Variants in SPATA13 observed in about 807,000 individuals in gnomAD.
SPATA13 encodes the protein spermatogenesis-associated protein 13.
In SPATA13, 50 loss-of-function variants were observed where a neutral mutation model predicts 104.0. The observed-to-expected ratio is 0.48, with a 90% confidence interval of 0.38 to 0.61. SPATA13 has a LOEUF of 0.61. Among genes scored for constraint, SPATA13 ranks in the 20% least tolerant of loss-of-function variants. SPATA13 has a pLI of 0.00. For missense variants in SPATA13, 1,524 were observed against 1,690.6 expected, an observed-to-expected ratio of 0.90 and a Z score of 1.73; for synonymous variants, 606 against 667.5, an observed-to-expected ratio of 0.91 and a Z score of 1.42.
chr13:24,002,790 C>T (rs1876040456), intron 2 of SPATA13, among the ~76,000 whole-genome samples: 1 of 152,158 alleles, frequency 6.6e-6, no homozygotes, highest in Admixed American at 6.5e-5. Context: ...CTCTGCAGTC[C>T]TTACTTGGCA....
At chr13:24,191,265 C>T (rs1869723085) in intron 1 of SPATA13, among the ~76,000 whole-genome samples, 1 of 152,048 alleles carries the variant, frequency 6.6e-6, no homozygotes, top group African/African-American at 2.4e-5. Flanking sequence ...CATGAGCCAT[C>T]TTGCCCAGCC....
chr13:24,181,688 C>T (rs969312412), intron 1 of SPATA13, among the ~76,000 whole-genome samples: 6 of 152,098 alleles, frequency 3.9e-5, no homozygotes, highest in South Asian at 4.2e-4. Context: ...ATAGAGCTGT[C>T]ATCTGCTATA....
intron 3 of SPATA13, among the ~76,000 whole-genome samples, chr13:24,042,586 C>T (rs1428550075): frequency 1.3e-5 from 2 of 152,250 alleles, no homozygotes; most frequent in Non-Finnish European, 2.9e-5. Context: ...TGCGCGAACT[C>T]ACTTCTCAGA....
intron 4 of SPATA13, among the ~76,000 whole-genome samples, chr13:24,276,530 A>G (rs1874992672): frequency 6.6e-6 from 1 of 152,196 alleles, no homozygotes; most frequent in Non-Finnish European, 1.5e-5. Flanking sequence ...GGTGTTTAAT[A>G]TGTGTGGCCG....
At chr13:24,127,686 A>G (rs928619965) in intron 3 of SPATA13, among the ~76,000 whole-genome samples, 8 of 152,230 alleles carry the variant, frequency 5.3e-5, no homozygotes, top group African/African-American at 1.9e-4. Context: ...GTAAATCTCC[A>G]TACAGATAAT....
At chr13:24,201,838 CCCTGTGCTTCA>C (rs1263773626) in intron 1 of SPATA13, among the ~76,000 whole-genome samples, 1 of 152,086 alleles carries the variant, frequency 6.6e-6, no homozygotes, top group Non-Finnish European at 1.5e-5. Context: ...TGTTAAAATC[CCCTGTGCTTCA>C]CCTGTTCACT....
At chr13:24,096,313 G>A (rs988034446) in intron 3 of SPATA13, among the ~76,000 whole-genome samples, 6 of 152,290 alleles carry the variant, frequency 3.9e-5, no homozygotes, top group Middle Eastern at 3.4e-3. Context: ...ATAACAAGGA[G>A]GCCTGGGTGC....
At chr13:24,138,026 C>G (rs369840337) in intron 3 of SPATA13, among the ~76,000 whole-genome samples, 1 of 151,910 alleles carries the variant, frequency 6.6e-6, no homozygotes, top group South Asian at 2.1e-4. Context: ...CTGGGCCAGG[C>G]GTAGTGGCTC....
chr13:24,044,401 T>C (rs923187769), intron 3 of SPATA13, among the ~76,000 whole-genome samples: 13 of 148,476 alleles, frequency 8.8e-5, no homozygotes, highest in South Asian at 2.3e-4. Context: ...CCCAGCTAAT[T>C]TTTGTATTTT....
chr13:24,192,477 C>T (rs979943219), intron 1 of SPATA13, among the ~76,000 whole-genome samples: 1 of 152,088 alleles, frequency 6.6e-6, no homozygotes, highest in Non-Finnish European at 1.5e-5. Context: ...GCTGAAACAG[C>T]GTCTTCCTCA....
intron 3 of SPATA13, among the ~76,000 whole-genome samples, chr13:24,050,175 G>C (rs1489374929): frequency 6.6e-6 from 1 of 152,134 alleles, no homozygotes; most frequent in Non-Finnish European, 1.5e-5. Context: ...AGGCCTTTCA[G>C]ATTCTTTCTG....
intron 1 of SPATA13, among the ~76,000 whole-genome samples, chr13:24,164,975 C>T (rs529668497): frequency 1.3e-5 from 2 of 152,156 alleles, no homozygotes; most frequent in Non-Finnish European, 2.9e-5. Context: ...GCTGTGGCAA[C>T]ACCGCAGAAT....
intron 3 of SPATA13, among the ~76,000 whole-genome samples, chr13:24,050,924 G>T (rs1230699879): frequency 6.6e-6 from 1 of 152,182 alleles, no homozygotes; most frequent in Non-Finnish European, 1.5e-5. Flanking sequence ...CTTCTCAAAA[G>T]AATGTGCTAT....
intron 3 of SPATA13, chr13:24,251,508 G>A (rs968187295): frequency 9.1e-6 from 9 of 985,322 alleles, no homozygotes; most frequent in African/African-American, 8.7e-5. Context: ...AGGCTGCAGG[G>A]TGCGGGCCAG....
chr13:24,245,026 G>A (rs1404662319), intron 2 of SPATA13, among the ~76,000 whole-genome samples: 1 of 152,186 alleles, frequency 6.6e-6, no homozygotes, highest in African/African-American at 2.4e-5. Flanking sequence ...GCATGGCCGT[G>A]GGAGAGGGCA....
chr13:24,042,409 C>T (rs1220908413), intron 3 of SPATA13, among the ~76,000 whole-genome samples: 1 of 151,542 alleles, frequency 6.6e-6, no homozygotes, highest in Non-Finnish European at 1.5e-5. Context: ...AGGCCGCTTT[C>T]TGAGATGTTG....
chr13:24,059,218 C>T (rs542795865), intron 3 of SPATA13, among the ~76,000 whole-genome samples: 2 of 151,584 alleles, frequency 1.3e-5, no homozygotes, highest in African/African-American at 4.8e-5. Flanking sequence ...TAATCCACCC[C>T]CCTCGGCCTC....
At chr13:24,287,040 C>G in intron 7 of SPATA13, 90 bp downstream of exon 7, 2 of 1,115,196 alleles carry the variant, frequency 1.8e-6, no homozygotes, top group Non-Finnish European at 2.6e-6. Context: ...CCCCCCGCCC[C>G]CCCATCAGGC....
intron 1 of SPATA13, among the ~76,000 whole-genome samples, chr13:24,171,736 G>C (rs1195576284): frequency 7.9e-5 from 12 of 152,200 alleles, no homozygotes; most frequent in Non-Finnish European, 1.5e-4. Flanking sequence ...ACCCAAACCT[G>C]GTGATTGGTT....
Sources: allele counts gnomAD v4.1 joint callset (sites outside exome capture counted in the v4.1 genomes callset), GRCh38; gene constraint gnomAD v4.1.1; transcripts MANE v1.5; gene names NCBI Gene and HGNC (gene_info 2026-07-23, HGNC 2026-07-21).